CDH11: variants seen among roughly 807,000 people sequenced by gnomAD.
CDH11 encodes cadherin 11, also known as cadherin-11.
Under a neutral mutation model 67.8 loss-of-function variants are expected in CDH11, and 11 were observed. The ratio of observed to expected loss-of-function variants is 0.16; its 90% CI spans 0.10 to 0.27. The LOEUF is 0.27. Ranked by LOEUF, CDH11 falls within the 10% of genes least tolerant of loss-of-function variation. The probability of loss-of-function intolerance (pLI) is 1.00; values close to 1 mark genes in which losing one functional copy is unlikely to be tolerated. For synonymous variants in CDH11, 419 were observed against 400.0 expected (o/e 1.05, Z -0.57); for missense variants, 847 against 1,031.2 (o/e 0.82, Z 2.45).
intron 2 of CDH11, among the ~76,000 whole-genome samples, chr16:65,023,287 C>T (rs572117981): frequency 4.6e-5 from 7 of 152,220 alleles, no homozygotes; most frequent in African/African-American, 7.2e-5. Flanking sequence ...ATAAAAGTAG[C>T]GAGTTGAATC....
intron 2 of CDH11, among the ~76,000 whole-genome samples, chr16:65,024,043 C>T (rs1451959667): frequency 1.3e-5 from 2 of 152,186 alleles, no homozygotes; most frequent in Non-Finnish European, 2.9e-5. Context: ...GTTGGAATGC[C>T]TCTGACAGAA....
At chr16:65,051,600 T>C (rs2074057241) in intron 2 of CDH11, among the ~76,000 whole-genome samples, 1 of 152,176 alleles carries the variant, frequency 6.6e-6, no homozygotes, top group Non-Finnish European at 1.5e-5. Flanking sequence ...CTCATCTCAA[T>C]TTGTAATTTC....
At position 64,945,301 on chromosome 16, in the gene CDH11, T is replaced by TAAAAAAAAAAAAAAAAAGA. The variant is rs2071175387; in HGVS notation, c.*2301_*2302insTCTTTTTTTTTTTTTTTTT. ...AGAGGCTTAACGAAAAAATAAAAGG[T>TAAAAAAAAAAAAAAAAAGA]AAAAAAAAAAAAAAAAAAGAAAAAG... is the stretch of plus-strand genomic sequence containing the variant. On this transcript the variant is annotated 3_prime_UTR_variant, in exon 13 of 13. Coordinates refer to ENST00000268603, the MANE Select transcript of CDH11 (RefSeq NM_001797.4). 3 of 371,900 alleles carry TAAAAAAAAAAAAAAAAAGA rather than the reference T, an allele frequency of 8.1e-6. No individual in the cohort carries two copies. The highest frequency in any genetic ancestry group is 1.1e-5 in the Non-Finnish European group (3 of 276,542). The allele number at this position is 371,900 out of a possible 1,614,324, so 23.0% of individuals were successfully genotyped here.
chr16:64,980,963 G>A (rs1237526169), intron 8 of CDH11, among the ~76,000 whole-genome samples: 1 of 152,010 alleles, frequency 6.6e-6, no homozygotes, highest in Non-Finnish European at 1.5e-5. Context: ...CTCTGTAAAC[G>A]TGTGATTCAA....
At chr16:64,962,379 G>A (rs187930478) in intron 11 of CDH11, among the ~76,000 whole-genome samples, 2 of 152,020 alleles carry the variant, frequency 1.3e-5, no homozygotes, top group South Asian at 2.1e-4. Context: ...GCAAAGAGCC[G>A]TCCCCAGATT....
intron 1 of CDH11, among the ~76,000 whole-genome samples, chr16:65,093,699 T>C (rs1236093962): frequency 3.9e-5 from 6 of 152,172 alleles, no homozygotes; most frequent in Non-Finnish European, 7.3e-5. Flanking sequence ...TGGTAGATAC[T>C]AGGTATACAG....
rs2071167971 is a variant in CDH11, at chr16:64,944,891, T to C, written c.*2712A>G. On this transcript the variant is annotated 3_prime_UTR_variant, in exon 13 of 13. Transcript: ENST00000268603. ...TTCTTGCATTTTCTAGGAGGGCAAA[T>C]AGGTAAATAGGTGATTATAAGACAA... 4.6e-6 allele frequency: 1 copy of C among 219,678 alleles called. No individual in the cohort carries two copies. The highest frequency in any genetic ancestry group is 5.8e-5 in the Admixed American group (1 of 17,290). The allele number at this position is 219,678 out of a possible 1,614,324, so 13.6% of individuals were successfully genotyped here.
intron 12 of CDH11, chr16:64,948,619 G>A: frequency 6.2e-7 from 1 of 1,611,158 alleles, no homozygotes; most frequent in Non-Finnish European, 8.5e-7. Context: ...CGTAAGTGTG[G>A]TTGGACTCTC....
intron 4 of CDH11, among the ~76,000 whole-genome samples, chr16:64,993,410 T>G (rs909172246): frequency 2.0e-5 from 3 of 152,152 alleles, no homozygotes; most frequent in African/African-American, 2.4e-5. Flanking sequence ...CAGAGTATAA[T>G]AAATGATAAT....
intron 5 of CDH11, among the ~76,000 whole-genome samples, chr16:64,992,445 A>G (rs748415315): frequency 1.3e-5 from 2 of 152,256 alleles, no homozygotes; most frequent in Non-Finnish European, 2.9e-5. Flanking sequence ...TCATATAAGC[A>G]CATACTGTCT....
chr16:65,050,033 T>C (rs2074028667), intron 2 of CDH11, among the ~76,000 whole-genome samples: 1 of 152,078 alleles, frequency 6.6e-6, no homozygotes, highest in South Asian at 2.1e-4. Flanking sequence ...GAAAGATAAC[T>C]GGGTGACCTG....
intron 1 of CDH11, chr16:65,095,002 A>T (rs2142840030): frequency 6.6e-6 from 1 of 152,340 alleles, no homozygotes; most frequent in African/African-American, 2.4e-5. Flanking sequence ...ACAGGTATGT[A>T]TCTATATTGC....
intron 1 of CDH11, among the ~76,000 whole-genome samples, chr16:65,058,647 C>T (rs1195281716): frequency 2.0e-5 from 3 of 152,104 alleles, no homozygotes; most frequent in Admixed American, 6.5e-5. Context: ...AAGCATATTT[C>T]GTAAGCTAGG....
intron 1 of CDH11, among the ~76,000 whole-genome samples, chr16:65,077,718 C>T (rs999806222): frequency 2.6e-5 from 4 of 152,164 alleles, no homozygotes; most frequent in Non-Finnish European, 5.9e-5. Context: ...TACGTCATTA[C>T]GCAGCTATAG....
At chr16:65,114,419 G>A (rs1171392066) in intron 1 of CDH11, among the ~76,000 whole-genome samples, 1 of 152,086 alleles carries the variant, frequency 6.6e-6, no homozygotes, top group Non-Finnish European at 1.5e-5. Flanking sequence ...TGGGAAGCCA[G>A]CTTTCCTTCT....
chr16:65,075,466 T>G (rs74026249), intron 1 of CDH11, among the ~76,000 whole-genome samples: 23 of 152,158 alleles, frequency 1.5e-4, no homozygotes, highest in Non-Finnish European at 3.4e-4. Flanking sequence ...CACTCAAGCA[T>G]TGTTGCAAAT....
At chr16:65,115,412 A>T (rs2075225911) in intron 1 of CDH11, among the ~76,000 whole-genome samples, 1 of 152,134 alleles carries the variant, frequency 6.6e-6, no homozygotes, top group East Asian at 1.9e-4. Context: ...TTCTGGCCTT[A>T]TAATGGATAA....
intron 1 of CDH11, among the ~76,000 whole-genome samples, chr16:65,058,136 C>T (rs941443474): frequency 1.3e-5 from 2 of 152,008 alleles, no homozygotes; most frequent in Non-Finnish European, 2.9e-5. Context: ...ACTTGAGGAT[C>T]GTTTGAGCCT....
At chr16:65,030,891 C>T (rs1028648579) in intron 2 of CDH11, among the ~76,000 whole-genome samples, 1 of 152,156 alleles carries the variant, frequency 6.6e-6, no homozygotes, top group African/African-American at 2.4e-5. Flanking sequence ...ATCAATGTAA[C>T]TGAGATCAGT....
Sources: gnomAD v4.1 joint callset for allele counts (sites outside exome capture counted in the v4.1 genomes callset) on GRCh38, gnomAD v4.1.1 for gene constraint, MANE v1.5 for transcripts, NCBI Gene and HGNC (gene_info 2026-07-23, HGNC 2026-07-21) for gene names.